The following GRB2 variants were observed in gnomAD, a reference collection of about 807,000 sequenced individuals.
GRB2 encodes the protein growth factor receptor bound protein 2.
A neutral mutation model predicts 27.4 loss-of-function variants in GRB2; 2 were observed. The ratio of observed to expected loss-of-function variants is 0.07; its 90% CI spans 0.03 to 0.23. GRB2 has a LOEUF of 0.23. GRB2 is among the 10% of genes least tolerant of loss of function. GRB2 has a pLI of 1.00. For synonymous variants in GRB2, 94 were observed against 99.6 expected, an observed-to-expected ratio of 0.94 and a Z score of 0.33; for missense variants, 102 against 282.4, an observed-to-expected ratio of 0.36 and a Z score of 4.58.
chr17:75,397,070 G>A (rs992259646), intron 1 of GRB2, among the ~76,000 whole-genome samples: 8 of 152,128 alleles, frequency 5.3e-5, no homozygotes, highest in African/African-American at 1.7e-4. Context: ...CTTGAAAGTC[G>A]TGTTTTGAGT....
At chr17:75,397,174 A>G (rs1442131531) in intron 1 of GRB2, among the ~76,000 whole-genome samples, 1 of 152,250 alleles carries the variant, frequency 6.6e-6, no homozygotes, top group East Asian at 1.9e-4. Context: ...TCAAAGAGGA[A>G]AGCTTATTAG....
intron 2 of GRB2, among the ~76,000 whole-genome samples, chr17:75,347,129 T>A (rs553646614): frequency 2.6e-5 from 4 of 152,268 alleles, no homozygotes; most frequent in Admixed American, 1.3e-4. Context: ...GTAACCTGAT[T>A]ACCAGCTGTG....
chr17:75,397,958 C>T (rs902458672), intron 1 of GRB2, among the ~76,000 whole-genome samples: 2 of 151,932 alleles, frequency 1.3e-5, no homozygotes, highest in South Asian at 2.1e-4. Flanking sequence ...TCTCCTGCCT[C>T]GACCTCCCAA....
At chr17:75,363,876 A>G in intron 2 of GRB2, among the ~76,000 whole-genome samples, 2 of 100,642 alleles carry the variant, frequency 2.0e-5, no homozygotes, top group Non-Finnish European at 3.8e-5. Flanking sequence ...AAAAAAAAAA[A>G]AAAAAAAAAA....
chr17:75,324,518 T>TTG (rs1451661052), intron 4 of GRB2, among the ~76,000 whole-genome samples: 42 of 76,836 alleles, frequency 5.5e-4, no homozygotes, highest in African/African-American at 1.6e-3. Flanking sequence ...TTTTTTTTTT[T>TTG]TTTTTTTTTT....
intron 3 of GRB2, among the ~76,000 whole-genome samples, chr17:75,327,194 G>C (rs529012709): frequency 1.1e-4 from 17 of 149,964 alleles, no homozygotes; most frequent in Non-Finnish European, 1.9e-4. Context: ...AGCCTCCCAA[G>C]TAGCTGAGCA....
Position 75,320,610 on chromosome 17 carries a change from C to T in GRB2, c.469-57G>A. On this transcript the variant is annotated intron_variant, in intron 5 of 5. Coordinates refer to ENST00000316804, the MANE Select transcript of GRB2 (RefSeq NM_002086.5). This position sits in a 1 kb window ranked among gnomAD's most constrained non-coding sequence, Gnocchi z 4.3. ...GCATTCCTGGTCTGTGACTGGCCAC[C>T]TCCGAGGCCAGATGGGTTCCAGGGG... 1 of 1,371,554 alleles carries T rather than the reference C, an allele frequency of 7.3e-7. No homozygotes were observed. The highest frequency in any genetic ancestry group is 1.0e-6 in the Non-Finnish European group (1 of 965,660). 85.0% of individuals were successfully genotyped at this position (1,371,554 alleles called of 1,614,324 possible).
chr17:75,340,185 A>G (rs1317380413), intron 2 of GRB2, among the ~76,000 whole-genome samples: 1 of 152,216 alleles, frequency 6.6e-6, no homozygotes, highest in Admixed American at 6.5e-5. Context: ...ACATTTCTTC[A>G]GGGAAAAATT....
At chr17:75,385,152 G>T (rs946509502) in intron 2 of GRB2, among the ~76,000 whole-genome samples, 1 of 151,780 alleles carries the variant, frequency 6.6e-6, no homozygotes, top group Non-Finnish European at 1.5e-5. Flanking sequence ...GAAGTAGGAG[G>T]ATTCCTTGAG....
chr17:75,325,197 A>G (rs2078490564), intron 4 of GRB2, among the ~76,000 whole-genome samples: 1 of 152,236 alleles, frequency 6.6e-6, no homozygotes, highest in Non-Finnish European at 1.5e-5. Flanking sequence ...TTCTTTATAT[A>G]TAACTGATGA....
intron 2 of GRB2, among the ~76,000 whole-genome samples, chr17:75,335,751 T>C (rs1205122921): frequency 2.6e-5 from 4 of 152,150 alleles, no homozygotes; most frequent in Non-Finnish European, 5.9e-5. Flanking sequence ...TATTCAAAGT[T>C]TCCAAGAGTC....
chr17:75,361,390 A>G (rs946890901), intron 2 of GRB2, among the ~76,000 whole-genome samples: 1 of 152,222 alleles, frequency 6.6e-6, no homozygotes. Flanking sequence ...AAAATAGGAC[A>G]AGATGGTCTC....
chr17:75,389,964 T>C (rs1301986284), intron 2 of GRB2, among the ~76,000 whole-genome samples: 1 of 152,224 alleles, frequency 6.6e-6, no homozygotes, highest in East Asian at 1.9e-4. Flanking sequence ...ACTTGAGATT[T>C]TGGAGCTTCT....
chr17:75,343,145 G>A (rs1367951273), intron 2 of GRB2, among the ~76,000 whole-genome samples: 1 of 151,754 alleles, frequency 6.6e-6, no homozygotes, highest in Non-Finnish European at 1.5e-5. Flanking sequence ...GGCTGGACCA[G>A]GGAGAGAGGA....
chr17:75,342,815 A>G (rs903981303), intron 2 of GRB2, among the ~76,000 whole-genome samples: 1 of 152,064 alleles, frequency 6.6e-6, no homozygotes, highest in African/African-American at 2.4e-5. Flanking sequence ...CCAGGAAGCC[A>G]AGGCGGGAGG....
At chr17:75,360,964 T>C (rs534856289) in intron 2 of GRB2, among the ~76,000 whole-genome samples, 5 of 37,852 alleles carry the variant, frequency 1.3e-4, no homozygotes, top group South Asian at 2.6e-3. Flanking sequence ...AGAGATGGGG[T>C]CTTGCTCTAT....
intron 2 of GRB2, among the ~76,000 whole-genome samples, chr17:75,391,531 G>A (rs2078998253): frequency 6.6e-6 from 1 of 152,182 alleles, no homozygotes; most frequent in South Asian, 2.1e-4. Context: ...AAAAAAGGCT[G>A]GGTGCAGTAG....
At chr17:75,382,109 G>C (rs1263623920) in intron 2 of GRB2, among the ~76,000 whole-genome samples, 1 of 151,954 alleles carries the variant, frequency 6.6e-6, no homozygotes, top group Non-Finnish European at 1.5e-5. Flanking sequence ...TGTAGTCCCA[G>C]CTATTTGGAA....
intron 2 of GRB2, among the ~76,000 whole-genome samples, chr17:75,370,769 C>T (rs1224854571): frequency 1.3e-5 from 2 of 152,168 alleles, no homozygotes; most frequent in South Asian, 2.1e-4. Context: ...TAAATTAGAA[C>T]GAATCTTCAC....
Sources: gnomAD v4.1 joint callset for allele counts (sites outside exome capture counted in the v4.1 genomes callset) on GRCh38, gnomAD v4.1.1 for gene constraint, Gnocchi (gnomAD v3.1) non-coding constraint, MANE v1.5 for transcripts, NCBI Gene and HGNC (gene_info 2026-07-23, HGNC 2026-07-21) for gene names.